LYRM4: variants seen among roughly 807,000 people sequenced by gnomAD.
LYRM4 encodes the protein LYR motif-containing protein 4.
Under a neutral mutation model 11.7 loss-of-function variants are expected in LYRM4, and 9 were observed. The observed-to-expected ratio is 0.77, with a 90% CI of 0.46 to 1.34. LYRM4 has a LOEUF of 1.34. Ranked by LOEUF, LYRM4 falls within the 40% of genes most tolerant of loss-of-function variation. The pLI is 0.00. For synonymous variants in LYRM4, 42 were observed against 40.4 expected, an observed-to-expected ratio of 1.04 and a Z score of -0.15; for missense variants, 133 against 112.5, an observed-to-expected ratio of 1.18 and a Z score of -0.82.
chr6:5,077,162 T>A, the LYRM4 span, among the ~76,000 whole-genome samples: 1 of 152,192 alleles, frequency 6.6e-6, no homozygotes, highest in South Asian at 2.1e-4. Context: ...ACAGTGGGGA[T>A]ACCCATTAGG....
chr6:5,240,878 C>T (rs561311033), intron 1 of LYRM4, among the ~76,000 whole-genome samples: 85 of 152,234 alleles, frequency 5.6e-4, no homozygotes, highest in Non-Finnish European at 3.8e-4. Flanking sequence ...GACACTGGAA[C>T]GCGTCAGTCT....
At chr6:5,204,429 G>A (rs1761573066) in intron 2 of LYRM4, among the ~76,000 whole-genome samples, 1 of 152,126 alleles carries the variant, frequency 6.6e-6, no homozygotes, top group Non-Finnish European at 1.5e-5. Flanking sequence ...AAGAAAAGCA[G>A]AATCGAAGGA....
At chr6:5,121,153 C>CA (rs1763437543) in intron 2 of LYRM4, among the ~76,000 whole-genome samples, 1 of 152,072 alleles carries the variant, frequency 6.6e-6, no homozygotes, top group South Asian at 2.1e-4. Context: ...AAAAAACAAG[C>CA]AAAAAACCAG....
At chr6:5,183,455 T>C (rs1385574121) in intron 2 of LYRM4, among the ~76,000 whole-genome samples, 2 of 152,220 alleles carry the variant, frequency 1.3e-5, no homozygotes, top group East Asian at 1.9e-4. Flanking sequence ...ATTATTATTA[T>C]AGCCATAATC....
intron 2 of LYRM4, among the ~76,000 whole-genome samples, chr6:5,153,658 A>G (rs7752848): frequency 0.75 from 114,050 of 152,116 alleles, 42,964 homozygotes; most frequent in East Asian, 0.93. Flanking sequence ...TTCAACAGTG[A>G]TGCTCAACAA....
At chr6:5,102,214 A>C (rs187330859), downstream of LYRM4, among the ~76,000 whole-genome samples, 10 of 152,088 alleles carry the variant, frequency 6.6e-5, no homozygotes, top group East Asian at 1.9e-3. Context: ...GTTATGTTTT[A>C]AGTATGTTAA....
chr6:5,099,004 C>A (rs893417155), downstream of LYRM4, among the ~76,000 whole-genome samples: 1 of 152,146 alleles, frequency 6.6e-6, no homozygotes, highest in African/African-American at 2.4e-5. The surrounding 1 kb of genome is among the most constrained non-coding windows in gnomAD (Gnocchi z 4.3). Context: ...CTCACAGTGA[C>A]CCGCTTGGTG....
downstream of LYRM4, chr6:5,103,267 G>A (rs769216184): frequency 6.6e-5 from 10 of 152,220 alleles, no homozygotes; most frequent in African/African-American, 1.9e-4. Flanking sequence ...CTGTCAACTC[G>A]GGGTTGCACA....
intron 1 of LYRM4, among the ~76,000 whole-genome samples, chr6:5,230,190 T>C (rs1763151303): frequency 6.6e-6 from 1 of 152,232 alleles, no homozygotes; most frequent in Non-Finnish European, 1.5e-5. Context: ...TGAGAACTGG[T>C]GGCTGTAGCT....
intron 2 of LYRM4, among the ~76,000 whole-genome samples, chr6:5,209,329 T>G (rs950327845): frequency 1.9e-4 from 29 of 152,202 alleles, no homozygotes; most frequent in African/African-American, 6.8e-4. Flanking sequence ...ACTCCTGACC[T>G]CAAGTGATCC....
chr6:5,185,458 T>C (rs1760333937), intron 2 of LYRM4, among the ~76,000 whole-genome samples: 1 of 152,162 alleles, frequency 6.6e-6, no homozygotes, highest in Non-Finnish European at 1.5e-5. Flanking sequence ...CAAATAGCTC[T>C]GAGTTGAGAT....
chr6:5,109,345 T>C lies in LYRM4; in HGVS notation c.*78A>G. 6.2e-7 allele frequency: 1 copy of C among 1,602,222 alleles called. No homozygotes were observed. Among genetic ancestry groups the C allele is most frequent in the South Asian group, 1.1e-5 (1 of 90,610 alleles). On this transcript the variant is annotated 3_prime_UTR_variant, in exon 3 of 3. Transcript: ENST00000330636. ...CGCAAAAGGCTATTGTAAGCTGGTT[T>C]TGGGAGCCCCCATCTCAAACAGAGA...
At chr6:5,212,433 C>G (rs1762032124) in intron 2 of LYRM4, among the ~76,000 whole-genome samples, 1 of 152,226 alleles carries the variant, frequency 6.6e-6, no homozygotes, top group Non-Finnish European at 1.5e-5. Flanking sequence ...TGCTTCTTTG[C>G]TGCTCAGACT....
chr6:5,257,639 C>A (rs190276288), intron 1 of LYRM4, among the ~76,000 whole-genome samples: 2 of 152,100 alleles, frequency 1.3e-5, no homozygotes, highest in African/African-American at 4.8e-5. Flanking sequence ...GTCAGATCAG[C>A]GGCGGCATTA....
chr6:5,153,078 T>C (rs1378118911), intron 2 of LYRM4, among the ~76,000 whole-genome samples: 1 of 152,200 alleles, frequency 6.6e-6, no homozygotes, highest in Non-Finnish European at 1.5e-5. Flanking sequence ...TTTGTTTCTG[T>C]TGAACCATTG....
intron 1 of LYRM4, among the ~76,000 whole-genome samples, chr6:5,255,178 GA>G (rs2127778508): frequency 6.6e-6 from 1 of 152,272 alleles, no homozygotes; most frequent in East Asian, 1.9e-4. Context: ...TTAGCCAAGG[GA>G]CCATGGCGGG....
At chr6:5,105,355 T>C (rs918292166), downstream of LYRM4, 6 of 152,298 alleles carry the variant, frequency 3.9e-5, no homozygotes, top group African/African-American at 1.2e-4. Flanking sequence ...CAGCCAGTTC[T>C]CAGGGTGATG....
At chr6:5,149,039 G>A (rs1757942054) in intron 2 of LYRM4, among the ~76,000 whole-genome samples, 1 of 152,058 alleles carries the variant, frequency 6.6e-6, no homozygotes, top group Non-Finnish European at 1.5e-5. Context: ...ATATTTTTAG[G>A]ATTGGAAAAT....
chr6:5,085,637 A>G, the LYRM4 span: 7 of 1,548,620 alleles, frequency 4.5e-6, no homozygotes, highest in Middle Eastern at 1.7e-4. Flanking sequence ...CCGAGTCCTG[A>G]CGCTCAGCTA....
Sources: allele counts gnomAD v4.1 joint callset (sites outside exome capture counted in the v4.1 genomes callset), GRCh38; gene constraint gnomAD v4.1.1; non-coding constraint Gnocchi (gnomAD v3.1); transcripts MANE v1.5; gene names NCBI Gene and HGNC (gene_info 2026-07-23, HGNC 2026-07-21).